ANGPT1: variants seen among roughly 807,000 people sequenced by gnomAD.
ANGPT1 encodes angiopoietin 1, also known as angiopoietin-1.
A neutral mutation model predicts 62.2 loss-of-function variants in ANGPT1; 17 were observed. The observed-to-expected ratio is 0.27, with a 90% CI of 0.19 to 0.41. The LOEUF (loss-of-function observed/expected upper bound fraction) is 0.41, where lower values mean the gene tolerates loss of function less well. Ranked by LOEUF, ANGPT1 falls within the 10% of genes least tolerant of loss-of-function variation. ANGPT1 has a pLI of 1.00. For missense variants in ANGPT1, 478 were observed against 594.9 expected, an observed-to-expected ratio of 0.80 and a Z score of 2.04; for synonymous variants, 199 against 198.9, an observed-to-expected ratio of 1.00 and a Z score of 0.00.
intron 1 of ANGPT1, among the ~76,000 whole-genome samples, chr8:107,480,248 T>C (rs1007149188): frequency 6.6e-6 from 1 of 152,194 alleles, no homozygotes; most frequent in Admixed American, 6.5e-5. Flanking sequence ...GGTTTAAAAA[T>C]GTTTGCCCAA....
At chr8:107,317,458 T>C (rs779146552) in intron 4 of ANGPT1, among the ~76,000 whole-genome samples, 1 of 152,138 alleles carries the variant, frequency 6.6e-6, no homozygotes, top group Non-Finnish European at 1.5e-5. Context: ...AAGTTTATAA[T>C]ACAGTCTAAA....
intron 1 of ANGPT1, among the ~76,000 whole-genome samples, chr8:107,481,532 C>CAAAAAAAAAAAAAAAAAA (rs71562147): frequency 1.6e-4 from 10 of 64,316 alleles, no homozygotes; most frequent in East Asian, 1.2e-3. Flanking sequence ...GACTCTGTCT[C>CAAAAAAAAAAAAAAAAAA]AAAAAAAAAA....
intron 5 of ANGPT1, among the ~76,000 whole-genome samples, chr8:107,296,737 T>A (rs573831266): frequency 6.6e-6 from 1 of 152,220 alleles, no homozygotes; most frequent in African/African-American, 2.4e-5. Flanking sequence ...GACTTGTTAA[T>A]CCAGAATGAA....
rs780893893 is a variant in ANGPT1 at position 107,261,703 on chromosome 8, T to TA, written c.1336+2517dup. On this transcript the variant is annotated intron_variant, in intron 8 of 8. Transcript: ENST00000517746. ...CTGGGTGACAGAGCAAGACTCCATC[T>TA]AAAAAAAAAAAAAGAAAGAAAGAAA... 3.0e-3 allele frequency among the ~76,000 whole-genome samples: 408 copies of TA among 136,464 alleles called. 5 individuals are homozygous for TA. Among genetic ancestry groups the TA allele is most frequent in the African/African-American group, 7.6e-3 (280 of 36,762 alleles). The allele number at this position is 136,464 out of a possible 152,430, so 89.5% of individuals were successfully genotyped here.
At chr8:107,270,800 T>C (rs1310143366) in intron 7 of ANGPT1, among the ~76,000 whole-genome samples, 1 of 152,018 alleles carries the variant, frequency 6.6e-6, no homozygotes, top group Non-Finnish European at 1.5e-5. Flanking sequence ...ATTAAAGACA[T>C]TCAGTTATAT....
Position 107,264,212 on chromosome 8 carries a change from A to G in ANGPT1, c.1336+9T>C. On this transcript the variant is annotated intron_variant, in intron 8 of 8. Coordinates refer to ENST00000517746, the MANE Select transcript of ANGPT1 (RefSeq NM_001146.5). ...AACATAGCTTAGAGAATGGCCCCAT[A>G]GGACTTACCTCCTGTTAACATGAGG... 2 of 1,611,848 alleles carry G rather than the reference A, an allele frequency of 1.2e-6. No individual in the cohort carries two copies. The highest frequency in any genetic ancestry group is 8.5e-7 in the Non-Finnish European group (1 of 1,179,010).
chr8:107,367,534 T>C (rs1444567935), intron 1 of ANGPT1, among the ~76,000 whole-genome samples: 1 of 152,154 alleles, frequency 6.6e-6, no homozygotes, highest in Non-Finnish European at 1.5e-5. Context: ...TAAAGATTTA[T>C]CTAAAGCATG....
At chr8:107,272,674 T>G (rs1330293455) in intron 7 of ANGPT1, among the ~76,000 whole-genome samples, 4 of 151,570 alleles carry the variant, frequency 2.6e-5, no homozygotes, top group African/African-American at 9.7e-5. Flanking sequence ...CACGTACTGT[T>G]ATTGTTGTGT....
chr8:107,263,855 C>T (rs570498241), intron 8 of ANGPT1, among the ~76,000 whole-genome samples: 20 of 152,068 alleles, frequency 1.3e-4, no homozygotes, highest in African/African-American at 4.8e-4. Flanking sequence ...TACATAATTG[C>T]GAAGTATTTT....
intron 1 of ANGPT1, among the ~76,000 whole-genome samples, chr8:107,406,617 T>C (rs1249048451): frequency 6.6e-6 from 1 of 152,042 alleles, no homozygotes; most frequent in Non-Finnish European, 1.5e-5. Flanking sequence ...CTTTCGAGTC[T>C]CATATTATGT....
chr8:107,255,182 A>G (rs925515315), intron 8 of ANGPT1, among the ~76,000 whole-genome samples: 5 of 152,150 alleles, frequency 3.3e-5, no homozygotes, highest in African/African-American at 9.7e-5. Flanking sequence ...ATGGAAACAC[A>G]GAGGCAGTAG....
At chr8:107,356,882 C>T (rs1329543851) in intron 1 of ANGPT1, among the ~76,000 whole-genome samples, 2 of 152,226 alleles carry the variant, frequency 1.3e-5, no homozygotes, top group Non-Finnish European at 2.9e-5. Context: ...CAGATAATTT[C>T]TGTGCACTTT....
At chr8:107,404,972 G>A (rs781029034) in intron 1 of ANGPT1, among the ~76,000 whole-genome samples, 5 of 151,962 alleles carry the variant, frequency 3.3e-5, no homozygotes, top group Non-Finnish European at 7.4e-5. Flanking sequence ...TATGCTAATA[G>A]CAGTACCTTG....
intron 1 of ANGPT1, among the ~76,000 whole-genome samples, chr8:107,353,831 G>C (rs1401046055): frequency 6.6e-6 from 1 of 152,106 alleles, no homozygotes; most frequent in Admixed American, 6.6e-5. Context: ...AATAGAATTG[G>C]TGAATGGGGT....
intron 1 of ANGPT1, among the ~76,000 whole-genome samples, chr8:107,367,334 T>C (rs1301713543): frequency 6.6e-6 from 1 of 152,188 alleles, no homozygotes; most frequent in African/African-American, 2.4e-5. Context: ...GCTTTATGGT[T>C]AAAAAATGGT....
chr8:107,422,808 A>T (rs1415189989), intron 1 of ANGPT1, among the ~76,000 whole-genome samples: 4 of 152,128 alleles, frequency 2.6e-5, no homozygotes, highest in Admixed American at 6.5e-5. Flanking sequence ...TGTTACCTAA[A>T]AATAATAATA....
chr8:107,269,829 A>C (rs939104154), intron 7 of ANGPT1, among the ~76,000 whole-genome samples: 2 of 148,090 alleles, frequency 1.4e-5, no homozygotes, highest in African/African-American at 5.0e-5. Context: ...AAGAAAAAAA[A>C]ATGAGTCCCT....
chr8:107,302,293 G>T (rs1412968499), intron 5 of ANGPT1, among the ~76,000 whole-genome samples: 1 of 151,886 alleles, frequency 6.6e-6, no homozygotes, highest in Non-Finnish European at 1.5e-5. Context: ...GGGGGCATGA[G>T]GGGAGGACAG....
intron 1 of ANGPT1, among the ~76,000 whole-genome samples, chr8:107,451,195 C>A (rs1008137474): frequency 6.6e-6 from 1 of 151,688 alleles, no homozygotes. Flanking sequence ...TTGATGATTA[C>A]CAACAGGAGA....
Sources: allele counts gnomAD v4.1 joint callset (sites outside exome capture counted in the v4.1 genomes callset), GRCh38; gene constraint gnomAD v4.1.1; transcripts MANE v1.5; gene names NCBI Gene and HGNC (gene_info 2026-07-23, HGNC 2026-07-21).